DISC1: variants seen among roughly 807,000 people sequenced by gnomAD.
DISC1 encodes the protein disrupted in schizophrenia 1 protein.
In DISC1, 57 loss-of-function variants were observed where a neutral mutation model predicts 84.5. The observed-to-expected ratio is 0.67, with a 90% confidence interval of 0.55 to 0.84. The LOEUF is 0.84. Among genes scored for constraint, DISC1 ranks in the 40% least tolerant of loss-of-function variants. The pLI, the probability that DISC1 is intolerant of heterozygous loss-of-function variation, is 0.00. For missense variants in DISC1, 1,000 were observed against 1,057.8 expected (o/e 0.95, Z 0.76); for synonymous variants, 411 against 415.2 (o/e 0.99, Z 0.12).
rs929449888 is a variant in DISC1 at position 231,720,993 on chromosome 1, G to A, written c.1117+18969G>A. 46 of 1,290,806 alleles carry A rather than the reference G, an allele frequency of 3.6e-5. No homozygotes were observed. In the African/African-American group the frequency reaches 7.0e-4, roughly 20 times the overall value. 80.0% of individuals were successfully genotyped at this position (1,290,806 alleles called of 1,614,324 possible). A position where few individuals can be genotyped will look rare whatever the true frequency, so the allele number is the denominator to read the frequency against. On this transcript the variant is annotated intron_variant, in intron 3 of 12. Coordinates refer to ENST00000439617, the MANE Select transcript of DISC1 (RefSeq NM_018662.3). ...TTTTCATTTGGGGTGAACAGCAACTGTGGATACGGATCATGAAAATTGACA... is the reference window on the plus strand; with the variant it reads ...TTTTCATTTGGGGTGAACAGCAACTATGGATACGGATCATGAAAATTGACA...
At chr1:231,800,237 A>C (rs756123744) in intron 8 of DISC1, 27 bp downstream of exon 8, 1 of 1,556,536 alleles carries the variant, frequency 6.4e-7, no homozygotes, top group South Asian at 1.1e-5. Flanking sequence ...GAGACGTTGA[A>C]GCTATCCAAC....
chr1:231,684,646 C>T (rs1276695031), intron 1 of DISC1: 6 of 152,070 alleles, frequency 3.9e-5, no homozygotes, highest in Non-Finnish European at 7.4e-5. Flanking sequence ...ACTTTTAGCA[C>T]GTATCTATCT....
At chr1:231,707,864 T>G (rs1401539972) in intron 3 of DISC1, among the ~76,000 whole-genome samples, 1 of 152,048 alleles carries the variant, frequency 6.6e-6, no homozygotes, top group African/African-American at 2.4e-5. Flanking sequence ...ATCCCTAAAG[T>G]CTAAAATCCC....
intron 2 of DISC1, among the ~76,000 whole-genome samples, chr1:231,701,196 C>T (rs2066372335): frequency 6.6e-6 from 1 of 152,110 alleles, no homozygotes; most frequent in African/African-American, 2.4e-5. Flanking sequence ...GGGGAACTCC[C>T]TTTTATAAAA....
intron 9 of DISC1, among the ~76,000 whole-genome samples, chr1:231,830,034 G>C (rs919139241): frequency 1.3e-5 from 2 of 152,146 alleles, no homozygotes; most frequent in South Asian, 2.1e-4. Context: ...GGATGTGTAC[G>C]TGCAGGTCAC....
intron 4 of DISC1, among the ~76,000 whole-genome samples, chr1:231,762,098 T>G (rs989972785): frequency 5.9e-5 from 9 of 152,098 alleles, no homozygotes; most frequent in African/African-American, 2.2e-4. Flanking sequence ...CTTTTCTTTT[T>G]TCTTTCTTCT....
At chr1:231,997,695 G>T (rs894360390) in intron 10 of DISC1, among the ~76,000 whole-genome samples, 2 of 152,062 alleles carry the variant, frequency 1.3e-5, no homozygotes, top group Non-Finnish European at 2.9e-5. Context: ...CCAAGGGGTA[G>T]GTAATTACAA....
chr1:231,745,304 C>G (rs994849705), intron 3 of DISC1: 8 of 152,472 alleles, frequency 5.2e-5, no homozygotes, highest in African/African-American at 1.9e-4. Context: ...TCACTGCATC[C>G]TTCATCTCCT....
chr1:232,020,200 G>A (rs1363014041), intron 11 of DISC1, among the ~76,000 whole-genome samples: 1 of 152,002 alleles, frequency 6.6e-6, no homozygotes, highest in Non-Finnish European at 1.5e-5. Flanking sequence ...AAATTAGCCT[G>A]GCATGGTGGT....
rs969457942 is a variant in DISC1 at position 231,687,969 on chromosome 1, T to TA, written c.68-5846dup. Among the ~76,000 whole-genome samples the TA allele has an allele frequency of 1.7e-3, 240 of 145,134 alleles. 1 individual carries two copies. Among genetic ancestry groups the TA allele is most frequent in the African/African-American group, 5.1e-3 (201 of 39,602 alleles). ...ATATGTTACCACAATTAAAGAAAAG[T>TA]AAAAAAAAAAATCATAGGGAAAATT... On this transcript the variant is annotated intron_variant, in intron 1 of 12. Transcript: ENST00000439617.
intron 9 of DISC1, among the ~76,000 whole-genome samples, chr1:231,835,341 C>T (rs977343437): frequency 9.2e-5 from 14 of 151,754 alleles, no homozygotes; most frequent in East Asian, 1.9e-4. Flanking sequence ...AGAGAGTCAG[C>T]GAAGGGAGAT....
At chr1:231,933,376 A>G (rs2090787976) in intron 9 of DISC1, among the ~76,000 whole-genome samples, 2 of 152,224 alleles carry the variant, frequency 1.3e-5, no homozygotes, top group South Asian at 4.1e-4. Context: ...AGAAACAAGT[A>G]TCTAGTGATA....
chr1:232,035,971 A>C (rs1670480948), intron 12 of DISC1, among the ~76,000 whole-genome samples: 1 of 152,216 alleles, frequency 6.6e-6, no homozygotes, highest in Non-Finnish European at 1.5e-5. Context: ...TAGAAAACTA[A>C]GAGCCCAACA....
At chr1:231,797,371 A>G (rs139792408) in intron 7 of DISC1, among the ~76,000 whole-genome samples, 86 of 152,328 alleles carry the variant, frequency 5.6e-4, no homozygotes, top group African/African-American at 1.9e-3. Context: ...TTGAGTTGCT[A>G]TAACAAAGTA....
chr1:231,989,950 C>T (rs1161798853), intron 10 of DISC1, among the ~76,000 whole-genome samples: 1 of 152,200 alleles, frequency 6.6e-6, no homozygotes, highest in Admixed American at 6.5e-5. Flanking sequence ...CACTACACTT[C>T]CAGGCAGAGG....
chr1:231,819,365 T>C (rs2081322316), intron 9 of DISC1: 1 of 181,938 alleles, frequency 5.5e-6, no homozygotes, highest in Non-Finnish European at 1.1e-5. Flanking sequence ...ATTTATAAGC[T>C]AGATTGAGAA....
chr1:231,891,177 A>G (rs2087179849), intron 9 of DISC1, among the ~76,000 whole-genome samples: 1 of 152,186 alleles, frequency 6.6e-6, no homozygotes, highest in African/African-American at 2.4e-5. Flanking sequence ...TGGGCCACAC[A>G]TAAAATACAC....
intron 10 of DISC1, among the ~76,000 whole-genome samples, chr1:231,983,360 G>A (rs1663893816): frequency 6.6e-6 from 1 of 151,320 alleles, no homozygotes; most frequent in Admixed American, 6.6e-5. Context: ...GTCAGGGGGT[G>A]CAGAAGCTGA....
intron 3 of DISC1, among the ~76,000 whole-genome samples, chr1:231,738,173 G>T (rs2072768800): frequency 6.6e-6 from 1 of 152,088 alleles, no homozygotes; most frequent in South Asian, 2.1e-4. Context: ...CATTGTGTAT[G>T]CCCCCAAACA....
Sources: allele counts gnomAD v4.1 joint callset (sites outside exome capture counted in the v4.1 genomes callset), GRCh38; gene constraint gnomAD v4.1.1; transcripts MANE v1.5; gene names NCBI Gene and HGNC (gene_info 2026-07-23, HGNC 2026-07-21).